The following VPS13B variants were observed in gnomAD, a reference collection of about 807,000 sequenced individuals.
The protein encoded by VPS13B is intermembrane lipid transfer protein VPS13B.
In VPS13B, 285 loss-of-function variants were observed where a neutral mutation model predicts 426.4. That is an observed-to-expected ratio of 0.67 (90% CI 0.61 to 0.74). The LOEUF is 0.74. Among genes scored for constraint, VPS13B ranks in the 30% least tolerant of loss-of-function variants. VPS13B has a pLI of 0.00. For synonymous variants in VPS13B, 1,676 were observed against 1,676.4 expected (o/e 1.00, Z 0.01); for missense variants, 4,537 against 4,782.6 (o/e 0.95, Z 1.51).
intron 19 of VPS13B, among the ~76,000 whole-genome samples, chr8:99,312,426 C>G (rs1044350878): frequency 2.6e-5 from 4 of 152,142 alleles, no homozygotes; most frequent in Admixed American, 6.5e-5. Context: ...CTTCACTTAT[C>G]AAGCTTAGTT....
chr8:99,783,397 T>G (rs182831401), intron 42 of VPS13B, among the ~76,000 whole-genome samples: 2 of 152,370 alleles, frequency 1.3e-5, no homozygotes, highest in African/African-American at 4.8e-5. Flanking sequence ...TTTTCTTATA[T>G]TCTCAAGTTA....
intron 30 of VPS13B, among the ~76,000 whole-genome samples, chr8:99,526,063 G>C (rs1822624796): frequency 6.8e-6 from 1 of 147,120 alleles, no homozygotes; most frequent in Non-Finnish European, 1.5e-5. Context: ...AATATGTAAT[G>C]CTTTTATTAT....
At chr8:99,036,457 C>T (rs1239551478) in intron 2 of VPS13B, among the ~76,000 whole-genome samples, 3 of 152,046 alleles carry the variant, frequency 2.0e-5, no homozygotes, top group African/African-American at 7.2e-5. Context: ...TAAGGAAGAT[C>T]CATTTGTTAT....
intron 7 of VPS13B, chr8:99,119,413 A>T (rs1291750333): frequency 6.6e-6 from 1 of 151,980 alleles, no homozygotes; most frequent in Non-Finnish European, 1.5e-5. Context: ...TGTGGCTGAT[A>T]AATTTTGTTT....
chr8:99,247,825 G>T (rs1478879904), intron 17 of VPS13B, among the ~76,000 whole-genome samples: 6 of 151,782 alleles, frequency 4.0e-5, no homozygotes, highest in Non-Finnish European at 8.8e-5. Flanking sequence ...TATGTTATTT[G>T]GGGCAGGGAA....
At chr8:99,739,502 T>A (rs766004222) in intron 39 of VPS13B, among the ~76,000 whole-genome samples, 14 of 152,170 alleles carry the variant, frequency 9.2e-5, no homozygotes, top group Non-Finnish European at 1.9e-4. Context: ...CAGCCAGATA[T>A]CTGAGAATGG....
intron 17 of VPS13B, among the ~76,000 whole-genome samples, chr8:99,229,220 A>G (rs959441135): frequency 2.6e-5 from 4 of 152,230 alleles, no homozygotes; most frequent in Non-Finnish European, 4.4e-5. Flanking sequence ...TGGGCAACCC[A>G]GCAGGGACCT....
chr8:99,579,776 CAAT>C (rs1563807221), intron 33 of VPS13B, among the ~76,000 whole-genome samples: 2 of 150,152 alleles, frequency 1.3e-5, no homozygotes, highest in African/African-American at 4.9e-5. Context: ...CAGCTCACTG[CAAT>C]CTCCACCTCC....
At chr8:99,260,306 T>C (rs1164860925) in intron 17 of VPS13B, among the ~76,000 whole-genome samples, 1 of 152,058 alleles carries the variant, frequency 6.6e-6, no homozygotes, top group African/African-American at 2.4e-5. Flanking sequence ...TGACTTTTTT[T>C]CCCCTGACAA....
chr8:99,170,119 C>A lies in VPS13B; in HGVS notation c.2289C>A (p.Phe763Leu), dbSNP rs755882379. 27 of 1,612,870 alleles carry A rather than the reference C, an allele frequency of 1.7e-5. No homozygotes were observed. The highest frequency in any genetic ancestry group is 1.8e-5 in the Non-Finnish European group (21 of 1,179,100). The change falls in exon 16 of 62, where the codon TTC (phenylalanine) becomes TTA (leucine). Residue 763 changes from phenylalanine (F) to leucine (L), a missense_variant. By Grantham distance (22) the Phe-to-Leu change is conservative. Around this residue, in one of 2 missense-constraint regions of VPS13B, gnomAD observed 4,311 missense variants for 4,474.3 expected, o/e 0.96. Transcript: ENST00000357162. ...TACCTGTACCAGTTATTCCCTCTTT[C>A]AGCACTGCTCTTTATGGGAAACTTC... ...YCLPVPVIPS[F>L]STALYGKLLK... is the part of the protein sequence containing the mutation.
chr8:99,350,448 C>T (rs946125751), intron 19 of VPS13B, among the ~76,000 whole-genome samples: 2 of 152,034 alleles, frequency 1.3e-5, no homozygotes, highest in African/African-American at 2.4e-5. Flanking sequence ...GTTGCTTGAC[C>T]AGTAAAGAGA....
rs1017146281 is a variant in VPS13B, at chr8:99,823,845, G to A, written c.9197G>A (p.Cys3066Tyr). The change falls in exon 51 of 62, where the codon TGC becomes TAC. Residue 3066 changes from cysteine to tyrosine, a missense_variant. Coordinates refer to ENST00000357162, the MANE Select transcript of VPS13B (RefSeq NM_152564.5). Reference sequence around the variant, plus strand: ...ATTATCTTGTAGTTATGTCAGTTCTGCATTTCCTCCATGGTACAGCAAGGT... The same window carrying A: ...ATTATCTTGTAGTTATGTCAGTTCTACATTTCCTCCATGGTACAGCAAGGT... ...FPGHQKLCQF[C>Y]ISSMVQQGIQ... The A allele has an allele frequency of 6.2e-7, 1 of 1,613,506 alleles. No homozygotes were observed. Among genetic ancestry groups the A allele is most frequent in the Non-Finnish European group, 8.5e-7 (1 of 1,179,818 alleles).
At chr8:99,553,018 C>G (rs140045616) in intron 30 of VPS13B, among the ~76,000 whole-genome samples, 45 of 152,256 alleles carry the variant, frequency 3.0e-4, no homozygotes, top group Middle Eastern at 3.4e-3. Flanking sequence ...CTACTGGTGA[C>G]CCTTCGTGAT....
At position 99,274,235 on chromosome 8, in the gene VPS13B, C is replaced by G; in HGVS notation, c.2553C>G (p.Gly851=). ...KSKNPLPTLE[G]SIQNVELKYC... The stretch of plus-strand genomic sequence containing the variant: ...AGAATCCCCTGCCAACTCTTGAGGG[C>G]TCAATCCAGAATGTTGAATTGAAGT... The change falls in exon 18 of 62, where the codon GGC becomes GGG. Residue 851 remains glycine (G), a synonymous_variant. Transcript: ENST00000357162. The G allele has an allele frequency of 6.2e-7, 1 of 1,614,112 alleles. No individual in the cohort carries two copies. Among genetic ancestry groups the G allele is most frequent in the Non-Finnish European group, 8.5e-7 (1 of 1,180,020 alleles).
Position 99,717,190 on chromosome 8 carries a change from A to AT in VPS13B, c.6477dup (p.Leu2160SerfsTer10). The AT allele has an allele frequency of 6.2e-7, 1 of 1,613,608 alleles. No homozygotes were observed. Among genetic ancestry groups the AT allele is most frequent in the Non-Finnish European group, 8.5e-7 (1 of 1,179,692 alleles). Reference sequence around the variant, plus strand: ...TTTCAGGCATAATTCTTGGGTCATCATTTCTACTCAGTATAAACGATTTTC... The same window carrying AT: ...TTTCAGGCATAATTCTTGGGTCATCATTTTCTACTCAGTATAAACGATTTTC... On this transcript the variant is annotated frameshift_variant, in exon 37 of 62. Coordinates refer to ENST00000357162, the MANE Select transcript of VPS13B (RefSeq NM_152564.5). LOFTEE classifies it high-confidence loss of function.
chr8:99,838,965 G>A (rs956482431), intron 54 of VPS13B, among the ~76,000 whole-genome samples: 9 of 152,202 alleles, frequency 5.9e-5, no homozygotes, highest in African/African-American at 1.4e-4. Context: ...ACAGAGGGTC[G>A]GAGAGAGGGC....
chr8:99,495,875 A>G (rs948508097), intron 25 of VPS13B, among the ~76,000 whole-genome samples: 2 of 152,114 alleles, frequency 1.3e-5, no homozygotes, highest in African/African-American at 4.8e-5. Flanking sequence ...AAATTGATTG[A>G]TGAAAAGGCG....
chr8:99,445,613 T>C (rs1817876716), intron 23 of VPS13B, among the ~76,000 whole-genome samples: 1 of 151,664 alleles, frequency 6.6e-6, no homozygotes, highest in Non-Finnish European at 1.5e-5. Context: ...ATTTTCTCAC[T>C]ATTCTTTTTT....
intron 7 of VPS13B, among the ~76,000 whole-genome samples, chr8:99,117,187 A>G (rs1847703212): frequency 6.6e-6 from 1 of 152,194 alleles, no homozygotes; most frequent in African/African-American, 2.4e-5. Context: ...GGGCAAAGAG[A>G]CATTTCTCCA....
Sources: gnomAD v4.1 joint callset for allele counts (sites outside exome capture counted in the v4.1 genomes callset) on GRCh38, gnomAD v4.1.1 for gene constraint, gnomAD v4.1.1 regional missense constraint, MANE v1.5 for transcripts, NCBI Gene and HGNC (gene_info 2026-07-23, HGNC 2026-07-21) for gene names.